The following UXS1 variants were observed in gnomAD, a reference collection of about 807,000 sequenced individuals.
UXS1 encodes UDP-glucuronate decarboxylase 1, also known as UDP-glucuronic acid decarboxylase 1.
UXS1 carries 33 observed loss-of-function variants against 62.6 expected under a neutral mutation model. The observed-to-expected ratio is 0.53, with a 90% CI of 0.40 to 0.70. The LOEUF is 0.70. UXS1 is among the 30% of genes least tolerant of loss of function. UXS1 has a pLI of 0.00. For synonymous variants in UXS1, 213 were observed against 206.8 expected, an observed-to-expected ratio of 1.03 and a Z score of -0.26; for missense variants, 434 against 556.3, an observed-to-expected ratio of 0.78 and a Z score of 2.21.
At chr2:106,151,198 G>A (rs777329001) in intron 5 of UXS1, among the ~76,000 whole-genome samples, 3 of 152,148 alleles carry the variant, frequency 2.0e-5, no homozygotes, top group African/African-American at 2.4e-5. Context: ...TTGGACTTTC[G>A]AGTTGGTGCT....
At chr2:106,181,597 T>C (rs1371412271) in intron 1 of UXS1, among the ~76,000 whole-genome samples, 4 of 152,134 alleles carry the variant, frequency 2.6e-5, no homozygotes, top group Non-Finnish European at 5.9e-5. Context: ...CGTGCGCCTG[T>C]AGTCTCCTAC....
At chr2:106,175,838 G>A (rs114928574) in intron 1 of UXS1, among the ~76,000 whole-genome samples, 2,056 of 152,252 alleles carry the variant, frequency 0.014, 50 homozygotes, top group African/African-American at 0.046. Context: ...GATCCACCAA[G>A]CCCATGGGTA....
intron 5 of UXS1, among the ~76,000 whole-genome samples, chr2:106,157,061 AAC>A (rs1682491759): frequency 6.6e-6 from 1 of 152,222 alleles, no homozygotes; most frequent in Admixed American, 6.5e-5. Context: ...ATGGACAAAA[AAC>A]AGATTAGTGG....
At chr2:106,158,634 CCTT>C (rs753527474) in intron 4 of UXS1, among the ~76,000 whole-genome samples, 9 of 152,286 alleles carry the variant, frequency 5.9e-5, no homozygotes, top group East Asian at 3.9e-4. Flanking sequence ...TGACCCCCCT[CCTT>C]GTTTCGAGAT....
Position 106,163,651 on chromosome 2 carries a change from CAA to C in UXS1, c.230+14_230+15del. On this transcript the variant is annotated intron_variant, in intron 4 of 14. Coordinates refer to ENST00000283148, the MANE Select transcript of UXS1 (RefSeq NM_001253875.2). ...CTTATTTTAACTATTGACTTTAAGA[CAA>C]AAAGTACACATACCTTTTTTCTAAA... 6.9e-7 allele frequency: 1 copy of C among 1,458,632 alleles called. No individual in the cohort carries two copies. Among genetic ancestry groups the C allele is most frequent in the Non-Finnish European group, 9.1e-7 (1 of 1,096,964 alleles). 90.4% of individuals were successfully genotyped at this position (1,458,632 alleles called of 1,614,324 possible). A position where few individuals can be genotyped will look rare whatever the true frequency, so the allele number is the denominator to read the frequency against.
chr2:106,111,551 C>T (rs769487427), intron 10 of UXS1, among the ~76,000 whole-genome samples: 1 of 152,146 alleles, frequency 6.6e-6, no homozygotes, highest in Non-Finnish European at 1.5e-5. Flanking sequence ...TCATGAAGAG[C>T]GGGGGCTCTG....
At position 106,194,094 on chromosome 2, in the gene UXS1, CG is replaced by C. The variant is rs1470676814; in HGVS notation, c.94+53del. 4 of 1,394,696 alleles carry C rather than the reference CG, an allele frequency of 2.9e-6. No homozygotes were observed. The African/African-American group carries it at 4.5e-5, about 16-fold the overall frequency. 86.4% of individuals were successfully genotyped at this position (1,394,696 alleles called of 1,614,324 possible). On this transcript the variant is annotated intron_variant, in intron 1 of 14. Transcript: ENST00000283148. ...CCCGAACCACCGCCGCCCGGCCCACCGCGGCGCCGGGGAATGAATGGGGCTC... is the reference window on the plus strand; with the variant it reads ...CCCGAACCACCGCCGCCCGGCCCACCCGGCGCCGGGGAATGAATGGGGCTC...
chr2:106,148,488 ACAGTTCTGAGATATCAGAGATG>A (rs1366305453), intron 5 of UXS1, among the ~76,000 whole-genome samples: 1 of 152,248 alleles, frequency 6.6e-6, no homozygotes, highest in Admixed American at 6.5e-5. Context: ...TACCTGGCAG[ACAGTTCTGAGATATCAGAGATG>A]CAGCGTATTA....
At chr2:106,096,196 G>A (rs1312534762) in intron 14 of UXS1, among the ~76,000 whole-genome samples, 3 of 152,174 alleles carry the variant, frequency 2.0e-5, no homozygotes, top group Non-Finnish European at 2.9e-5. Context: ...GTGTGTGTGT[G>A]TGTGTGTGTA....
intron 1 of UXS1, among the ~76,000 whole-genome samples, chr2:106,173,553 CA>C (rs571505839): frequency 1.2e-4 from 18 of 147,584 alleles, no homozygotes; most frequent in South Asian, 4.3e-4. Flanking sequence ...GACTCTGTCT[CA>C]AAAAAAAAAT....
intron 10 of UXS1, among the ~76,000 whole-genome samples, chr2:106,106,408 CTTAT>C (rs774661112): frequency 3.3e-5 from 5 of 151,270 alleles, no homozygotes; most frequent in African/African-American, 7.3e-5. Context: ...CCCTGAAAGC[CTTAT>C]TTATTTATTT....
At chr2:106,122,678 G>A (rs1307303622) in intron 9 of UXS1, among the ~76,000 whole-genome samples, 4 of 152,146 alleles carry the variant, frequency 2.6e-5, no homozygotes, top group Admixed American at 6.5e-5. Flanking sequence ...AGGAAAAGAG[G>A]TACTTCTTAG....
chr2:106,172,875 TCAGGGCCTTTGCA>T (rs1379951212), intron 1 of UXS1, among the ~76,000 whole-genome samples: 12 of 152,300 alleles, frequency 7.9e-5, no homozygotes, highest in African/African-American at 2.6e-4. Flanking sequence ...CCTGCCTGCC[TCAGGGCCTTTGCA>T]CTTACACTTC....
intron 6 of UXS1, among the ~76,000 whole-genome samples, chr2:106,136,855 A>ATATG (rs1680676071): frequency 8.1e-6 from 1 of 123,330 alleles, no homozygotes; most frequent in African/African-American, 3.1e-5. Context: ...TGGCACATGT[A>ATATG]TACATATGTA....
chr2:106,097,989 C>T (rs1448961515), intron 13 of UXS1, among the ~76,000 whole-genome samples: 5 of 152,258 alleles, frequency 3.3e-5, no homozygotes, highest in Non-Finnish European at 7.3e-5. Flanking sequence ...GAAGGGCACA[C>T]TGGAGGAATT....
intron 1 of UXS1, chr2:106,166,514 C>T (rs1045631032): frequency 6.3e-6 from 1 of 159,752 alleles, no homozygotes; most frequent in African/African-American, 2.4e-5. Context: ...AACAAAATAC[C>T]TTTAAAGAAC....
intron 14 of UXS1, 79 bp downstream of exon 14, chr2:106,096,639 G>C (rs1210465610): frequency 1.5e-6 from 2 of 1,333,684 alleles, no homozygotes; most frequent in Non-Finnish European, 2.0e-6. Context: ...TGTCTGACAA[G>C]GGTCAGTGCC....
In UXS1 at chr2:106,194,281, G is replaced by A. The variant is rs769925047; in HGVS notation, c.-40C>T. The stretch of plus-strand genomic sequence containing the variant: ...CGGGTCCAGGGCCCTACCGCGCGGG[G>A]GCCCGCCTGCTGCACAATGCGCGGC... On this transcript the variant is annotated 5_prime_UTR_variant, in exon 1 of 15. Coordinates refer to ENST00000283148, the MANE Select transcript of UXS1 (RefSeq NM_001253875.2). The A allele has an allele frequency of 2.1e-5, 25 of 1,204,740 alleles. No homozygotes were observed. Among genetic ancestry groups the A allele is most frequent in the South Asian group, 2.2e-5 (1 of 44,830 alleles). 74.6% of individuals were successfully genotyped at this position (1,204,740 alleles called of 1,614,324 possible). A position where few individuals can be genotyped will look rare whatever the true frequency, so the allele number is the denominator to read the frequency against.
intron 1 of UXS1, among the ~76,000 whole-genome samples, chr2:106,186,457 T>TACACACAC (rs55995858): frequency 0.052 from 7,717 of 148,716 alleles, 237 homozygotes; most frequent in East Asian, 0.072. Flanking sequence ...TATATATATA[T>TACACACAC]ACACACACAC....
Sources: gnomAD v4.1 joint callset for allele counts (sites outside exome capture counted in the v4.1 genomes callset) on GRCh38, gnomAD v4.1.1 for gene constraint, MANE v1.5 for transcripts, NCBI Gene and HGNC (gene_info 2026-07-23, HGNC 2026-07-21) for gene names.